Variants in PPFIA1 observed in about 807,000 individuals in gnomAD.
The protein encoded by PPFIA1 is liprin-alpha-1.
A neutral mutation model predicts 149.9 loss-of-function variants in PPFIA1; 25 were observed. That is an observed-to-expected ratio of 0.17 (90% CI 0.12 to 0.23). The LOEUF is 0.23. Ranked by LOEUF, PPFIA1 falls within the 10% of genes least tolerant of loss-of-function variation. The pLI is 1.00. For missense variants in PPFIA1, 1,362 were observed against 1,506.5 expected (o/e 0.90, Z 1.59); for synonymous variants, 549 against 552.8 (o/e 0.99, Z 0.10).
intron 19 of PPFIA1, among the ~76,000 whole-genome samples, chr11:70,361,555 C>T (rs986318323): frequency 3.3e-5 from 5 of 151,682 alleles, no homozygotes; most frequent in African/African-American, 7.3e-5. Flanking sequence ...CAGAACACTT[C>T]GTTAACTAAT....
At chr11:70,275,403 A>G (rs753257691) in intron 2 of PPFIA1, among the ~76,000 whole-genome samples, 7 of 152,162 alleles carry the variant, frequency 4.6e-5, no homozygotes, top group Non-Finnish European at 1.0e-4. Flanking sequence ...TCTCAGTTGT[A>G]TCTTTTGATA....
At chr11:70,362,011 T>A in intron 19 of PPFIA1, 84 bp from the exon 20 acceptor site, 1 of 1,299,784 alleles carries the variant, frequency 7.7e-7, no homozygotes, top group Non-Finnish European at 1.1e-6. Flanking sequence ...TCCTCCTGCC[T>A]TGGCCTCCCA....
chr11:70,351,914 G>A (rs868022798), intron 16 of PPFIA1, among the ~76,000 whole-genome samples: 3 of 152,346 alleles, frequency 2.0e-5, no homozygotes, highest in South Asian at 2.1e-4. Context: ...AGAGATAACT[G>A]TGGATTGGGC....
chr11:70,299,903 C>T (rs11825640), intron 2 of PPFIA1, among the ~76,000 whole-genome samples: 2,192 of 152,330 alleles, frequency 0.014, 51 homozygotes, highest in African/African-American at 0.05. Context: ...CTAACCTCAG[C>T]CATCGCTTTG....
At position 70,382,128 on chromosome 11, in the gene PPFIA1, C is replaced by A; in HGVS notation, c.3591C>A (p.Val1197=). The change falls in exon 27 of 28, where the codon GTC becomes GTA. Residue 1197 remains valine, a synonymous_variant. Transcript: ENST00000253925. The part of the protein sequence containing the change: ...SGTQRLDSAT[V]RTYSC Reference sequence around the variant, plus strand: ...CACAGAGGTTGGATTCTGCTACAGTCAGGACTTACTCCTGCTAAAGTCTCC... The same window carrying A: ...CACAGAGGTTGGATTCTGCTACAGTAAGGACTTACTCCTGCTAAAGTCTCC... 1.2e-6 allele frequency: 2 copies of A among 1,614,002 alleles called. No homozygotes were observed. The highest frequency in any genetic ancestry group is 2.2e-5 in the East Asian group (1 of 44,878).
chr11:70,351,072 G>A, intron 16 of PPFIA1: 2 of 1,004,340 alleles, frequency 2.0e-6, no homozygotes, highest in Non-Finnish European at 2.6e-6. Flanking sequence ...ATAATGTATT[G>A]AAGAGTACCT....
rs2056237034 is a variant in PPFIA1, at chr11:70,354,326, G to A, written c.2189G>A (p.Arg730Gln). ...TLLPPSREEV[R>Q]DDKTTIKCET... ...TTGCCACCTTCCAGAGAAGAGGTAC[G>A]AGATGACAAGACAACCATAAAGTGT... Residue 730 changes from arginine (R) to glutamine (Q), a missense_variant, in exon 17 of 28, where the codon CGA (arginine) becomes CAA (glutamine). This residue lies in a region of PPFIA1 where 733 missense variants were observed against 744.1 expected (regional missense o/e 0.99). Transcript: ENST00000253925. The A allele has an allele frequency of 6.2e-7, 1 of 1,613,816 alleles. No individual in the cohort carries two copies. Among genetic ancestry groups the A allele is most frequent in the Non-Finnish European group, 8.5e-7 (1 of 1,179,900 alleles).
At chr11:70,286,661 C>G (rs1234859676) in intron 2 of PPFIA1, among the ~76,000 whole-genome samples, 1 of 152,160 alleles carries the variant, frequency 6.6e-6, no homozygotes, top group African/African-American at 2.4e-5. Context: ...AGACCCGAAC[C>G]CTTTGTCTTC....
intron 2 of PPFIA1, among the ~76,000 whole-genome samples, chr11:70,320,958 G>C (rs989403860): frequency 1.3e-5 from 2 of 152,154 alleles, no homozygotes; most frequent in Non-Finnish European, 2.9e-5. Flanking sequence ...AGTTCTGGAC[G>C]GAGGCCTTGG....
chr11:70,346,326 G>C (rs1323644715), intron 15 of PPFIA1, among the ~76,000 whole-genome samples: 2 of 152,146 alleles, frequency 1.3e-5, no homozygotes, highest in Non-Finnish European at 2.9e-5. Flanking sequence ...CGACTTGCTT[G>C]TGAAGTTTAC....
chr11:70,277,892 C>G (rs1329526242), intron 2 of PPFIA1, among the ~76,000 whole-genome samples: 1 of 151,500 alleles, frequency 6.6e-6, no homozygotes, highest in African/African-American at 2.4e-5. Flanking sequence ...TCTATTTTGC[C>G]TTTAGTTTTT....
intron 2 of PPFIA1, among the ~76,000 whole-genome samples, chr11:70,296,533 C>G (rs985647153): frequency 3.9e-5 from 6 of 152,038 alleles, no homozygotes; most frequent in African/African-American, 1.2e-4. Context: ...AATACGAAAA[C>G]CAGTCAGGCG....
intron 2 of PPFIA1, among the ~76,000 whole-genome samples, chr11:70,316,406 C>T (rs1252085432): frequency 6.6e-6 from 1 of 152,196 alleles, no homozygotes; most frequent in Non-Finnish European, 1.5e-5. Context: ...AATAATATTC[C>T]ACTGAGTGAA....
intron 2 of PPFIA1, among the ~76,000 whole-genome samples, chr11:70,278,600 A>T (rs1363322927): frequency 1.3e-5 from 2 of 152,278 alleles, no homozygotes; most frequent in Non-Finnish European, 2.9e-5. Context: ...TGTTTGTGCA[A>T]AACCAAATGT....
At chr11:70,375,287 A>G (rs185812851) in intron 24 of PPFIA1, 194 bp downstream of exon 24, 21 of 406,330 alleles carry the variant, frequency 5.2e-5, no homozygotes, top group African/African-American at 2.8e-4. Flanking sequence ...GAGTCCTGCA[A>G]TAAACCAGAT....
intron 2 of PPFIA1, among the ~76,000 whole-genome samples, chr11:70,275,407 T>C (rs898608622): frequency 6.6e-6 from 1 of 152,376 alleles, no homozygotes; most frequent in East Asian, 1.9e-4. Context: ...AGTTGTATCT[T>C]TTGATACATA....
intron 21 of PPFIA1, among the ~76,000 whole-genome samples, chr11:70,370,801 A>G (rs1332088413): frequency 2.6e-5 from 4 of 152,066 alleles, no homozygotes; most frequent in Non-Finnish European, 1.5e-5. Context: ...GTTTCCCACA[A>G]TTTTTGAATT....
chr11:70,272,029 C>T, intron 1 of PPFIA1, 144 bp from the exon 2 acceptor site: 3 of 938,098 alleles, frequency 3.2e-6, no homozygotes, highest in South Asian at 1.6e-5. Context: ...GTATGTTTTC[C>T]CAGCTTATTT....
chr11:70,330,931 C>T (rs531114961), intron 8 of PPFIA1, among the ~76,000 whole-genome samples: 6 of 151,736 alleles, frequency 4.0e-5, no homozygotes, highest in Admixed American at 3.9e-4. Flanking sequence ...AACGAGACCC[C>T]GTCTCTAAAA....
Sources: allele counts gnomAD v4.1 joint callset (sites outside exome capture counted in the v4.1 genomes callset), GRCh38; gene constraint gnomAD v4.1.1; regional missense constraint gnomAD v4.1.1; transcripts MANE v1.5; gene names NCBI Gene and HGNC (gene_info 2026-07-23, HGNC 2026-07-21).